Variants in GABRA2 observed in about 807,000 individuals in gnomAD.
The protein encoded by GABRA2 is gamma-aminobutyric acid type A receptor subunit alpha2, also known as gamma-aminobutyric acid receptor subunit alpha-2.
GABRA2 carries 16 observed loss-of-function variants against 48.7 expected under a neutral mutation model. That is an observed-to-expected ratio of 0.33 (90% CI 0.22 to 0.50). GABRA2 has a LOEUF of 0.50. Among genes scored for constraint, GABRA2 ranks in the 20% least tolerant of loss-of-function variants. The pLI is 0.98. For synonymous variants in GABRA2, 185 were observed against 184.5 expected (o/e 1.00, Z -0.02); for missense variants, 275 against 535.6 (o/e 0.51, Z 4.80).
intron 3 of GABRA2, among the ~76,000 whole-genome samples, chr4:46,359,484 G>T (rs543639013): frequency 1.1e-4 from 16 of 152,128 alleles, no homozygotes; most frequent in African/African-American, 3.6e-4. Context: ...TCTTTACTCA[G>T]AAATGTGTAA....
At position 46,289,241 on chromosome 4, in the gene GABRA2, G is replaced by T. The variant is rs112041047; in HGVS notation, c.856+14219C>A. Among the ~76,000 whole-genome samples the T allele has an allele frequency of 5.3e-3, 810 of 152,344 alleles. 10 individuals are homozygous for T. The highest frequency in any genetic ancestry group is 0.019 in the African/African-American group (780 of 41,578). Reference sequence around the variant, plus strand: ...GGAATATAAATTATTCTATTGTAAAGATGCATGCCTGTGCATGTTCATTGC... The same window carrying T: ...GGAATATAAATTATTCTATTGTAAATATGCATGCCTGTGCATGTTCATTGC... On this transcript the variant is annotated intron_variant, in intron 8 of 9. Coordinates refer to ENST00000381620, the MANE Select transcript of GABRA2 (RefSeq NM_000807.4).
chr4:46,325,872 A>T (rs553657600), intron 4 of GABRA2, among the ~76,000 whole-genome samples: 2 of 152,032 alleles, frequency 1.3e-5, no homozygotes, highest in South Asian at 4.1e-4. Flanking sequence ...TTTGTCAAAG[A>T]TTATCTAGCT....
chr4:46,374,790 T>C (rs557893681), intron 3 of GABRA2, among the ~76,000 whole-genome samples: 35 of 152,058 alleles, frequency 2.3e-4, no homozygotes, highest in Non-Finnish European at 5.0e-4. Flanking sequence ...AAATTATTAA[T>C]GCCCTAATTC....
At chr4:46,266,558 T>A (rs918710502) in intron 8 of GABRA2, among the ~76,000 whole-genome samples, 37 of 151,282 alleles carry the variant, frequency 2.4e-4, no homozygotes, top group African/African-American at 8.2e-4. Flanking sequence ...GTTTCGAGAT[T>A]CTCTATTGGC....
At chr4:46,268,123 A>G (rs1286319647) in intron 8 of GABRA2, among the ~76,000 whole-genome samples, 1 of 151,994 alleles carries the variant, frequency 6.6e-6, no homozygotes, top group Non-Finnish European at 1.5e-5. Context: ...AGAAAAAGGT[A>G]TATGACATTA....
intron 2 of GABRA2, among the ~76,000 whole-genome samples, chr4:46,386,402 G>T (rs746403269): frequency 6.6e-6 from 1 of 152,028 alleles, no homozygotes; most frequent in Non-Finnish European, 1.5e-5. Flanking sequence ...ATTATCAGAA[G>T]TTTGATGTTA....
intron 3 of GABRA2, chr4:46,367,009 T>C (rs1468124766): frequency 6.6e-6 from 1 of 152,086 alleles, no homozygotes; most frequent in Non-Finnish European, 1.5e-5. Context: ...TTGTTCATGA[T>C]CACTGCTCAG....
intron 4 of GABRA2, among the ~76,000 whole-genome samples, chr4:46,323,134 CAGAA>C (rs1292969922): frequency 6.6e-6 from 1 of 151,866 alleles, no homozygotes. Flanking sequence ...TGTCTGGTAA[CAGAA>C]AGCATCATGT....
intron 3 of GABRA2, among the ~76,000 whole-genome samples, chr4:46,355,400 G>C (rs1181865265): frequency 6.6e-6 from 1 of 152,088 alleles, no homozygotes; most frequent in East Asian, 1.9e-4. Flanking sequence ...AACAGCAGTT[G>C]TCCTTTCCTT....
intron 8 of GABRA2, among the ~76,000 whole-genome samples, chr4:46,263,262 A>T (rs1214858761): frequency 6.6e-6 from 1 of 152,130 alleles, no homozygotes; most frequent in Non-Finnish European, 1.5e-5. Context: ...ATTGAGGAAG[A>T]TATGGGGCAT....
chr4:46,386,609 A>G (rs1343281625), intron 2 of GABRA2: 1 of 155,200 alleles, frequency 6.4e-6, no homozygotes, highest in Non-Finnish European at 1.4e-5. Context: ...TGGAAAATAA[A>G]TTGCTTTTTT....
chr4:46,310,298 G>T, intron 5 of GABRA2, 43 bp from the exon 6 acceptor site: 1 of 1,490,744 alleles, frequency 6.7e-7, no homozygotes, highest in Non-Finnish European at 9.4e-7. Flanking sequence ...ATATTGGTAA[G>T]TCAAGAAAAA....
At chr4:46,341,487 C>T (rs1221697355) in intron 3 of GABRA2, among the ~76,000 whole-genome samples, 2 of 151,938 alleles carry the variant, frequency 1.3e-5, no homozygotes, top group Non-Finnish European at 2.9e-5. Context: ...TTCTGTAAAG[C>T]CTGTATTCTT....
chr4:46,355,856 GTCTT>G (rs1374525231), intron 3 of GABRA2, among the ~76,000 whole-genome samples: 4 of 151,990 alleles, frequency 2.6e-5, no homozygotes, highest in East Asian at 1.9e-4. Flanking sequence ...CTCTTTAAGG[GTCTT>G]TCTAACTACA....
At position 46,317,988 on chromosome 4, in the gene GABRA2, G is replaced by A. The variant is rs549209709; in HGVS notation, c.256-5272C>T. The stretch of plus-strand genomic sequence containing the variant: ...AGACAAATACCGAAAGTTGATGGGT[G>A]GATTTTTAAATATGAACATCATAAT... On this transcript the variant is annotated intron_variant, in intron 4 of 9. Transcript: ENST00000381620. Among the ~76,000 whole-genome samples the A allele has an allele frequency of 3.3e-5, 5 of 151,470 alleles. No homozygotes were observed. In the South Asian group the frequency reaches 1.0e-3, roughly 31 times the overall value.
intron 4 of GABRA2, among the ~76,000 whole-genome samples, chr4:46,321,647 C>T (rs1729469646): frequency 6.6e-6 from 1 of 152,138 alleles, no homozygotes; most frequent in East Asian, 1.9e-4. Context: ...TATCAGTTGA[C>T]TTATCTGTAA....
rs552783873 is a variant in GABRA2 at position 46,336,707 on chromosome 4, G to A, written c.188-4025C>T. ...TCATCAAATTCAGGATGGTGAAAGAGAACAGGAAATAGCCTGCAGACATGT... is the reference window on the plus strand; with the variant it reads ...TCATCAAATTCAGGATGGTGAAAGAAAACAGGAAATAGCCTGCAGACATGT... On this transcript the variant is annotated intron_variant, in intron 3 of 9. Transcript: ENST00000381620. 2.4e-3 allele frequency among the ~76,000 whole-genome samples: 365 copies of A among 152,220 alleles called. 1 individual carries two copies. The highest frequency in any genetic ancestry group is 3.8e-3 in the Non-Finnish European group (257 of 67,984).
chr4:46,283,194 A>G (rs1195036249), intron 8 of GABRA2, among the ~76,000 whole-genome samples: 5 of 152,234 alleles, frequency 3.3e-5, no homozygotes, highest in African/African-American at 1.2e-4. Context: ...AGACCACACT[A>G]GGCTAATGAC....
At chr4:46,384,761 C>T (rs1236535671) in intron 3 of GABRA2, among the ~76,000 whole-genome samples, 2 of 152,160 alleles carry the variant, frequency 1.3e-5, no homozygotes, top group African/African-American at 4.8e-5. Flanking sequence ...TTCATTGCCA[C>T]ATATGTTAAC....
Sources: allele counts gnomAD v4.1 joint callset (sites outside exome capture counted in the v4.1 genomes callset), GRCh38; gene constraint gnomAD v4.1.1; transcripts MANE v1.5; gene names NCBI Gene and HGNC (gene_info 2026-07-23, HGNC 2026-07-21).